The following MCUB variants were observed in gnomAD, a reference collection of about 807,000 sequenced individuals.
MCUB encodes the protein calcium uniporter regulatory subunit MCUb, mitochondrial.
In MCUB, 46 loss-of-function variants were observed where a neutral mutation model predicts 41.4. That is an observed-to-expected ratio of 1.11 (90% CI 0.88 to 1.42). The LOEUF (loss-of-function observed/expected upper bound fraction) is 1.42, where lower values mean the gene tolerates loss of function less well. Among genes scored for constraint, MCUB ranks in the 40% most tolerant of loss-of-function variants. MCUB has a pLI of 0.00. For synonymous variants in MCUB, 148 were observed against 148.2 expected (o/e 1.00, Z 0.01); for missense variants, 403 against 404.9 (o/e 1.00, Z 0.04).
In MCUB at chr4:109,568,621, G is replaced by A. The variant is rs187549859; in HGVS notation, c.99+8185G>A. The stretch of plus-strand genomic sequence containing the variant: ...CCCCACAGACCCCTCTTCAGTTTTC[G>A]TGAGGTCTCTTCAGATCTCTGAAGG... On this transcript the variant is annotated intron_variant, in intron 1 of 7. Coordinates refer to ENST00000394650, the MANE Select transcript of MCUB (RefSeq NM_017918.5). Among the ~76,000 whole-genome samples the A allele has an allele frequency of 2.5e-3, 379 of 151,976 alleles. 1 individual carries two copies. Among genetic ancestry groups the A allele is most frequent in the African/African-American group, 8.5e-3 (351 of 41,408 alleles).
rs531473670 is a variant in MCUB, at chr4:109,579,795, A to G, written c.99+19359A>G. 5.9e-5 allele frequency among the ~76,000 whole-genome samples: 9 copies of G among 152,338 alleles called. No individual in the cohort carries two copies. In the South Asian group the frequency reaches 1.9e-3, roughly 32 times the overall value. ...ATTTATCCAGAGAATGAGTCAAAAT[A>G]AAAATGATATTTAAAGTCTGACTGA... On this transcript the variant is annotated intron_variant, in intron 1 of 7. Coordinates refer to ENST00000394650, the MANE Select transcript of MCUB (RefSeq NM_017918.5).
At position 109,687,648 on chromosome 4, in the gene MCUB, G is replaced by T; in HGVS notation, c.*56G>T. On this transcript the variant is annotated 3_prime_UTR_variant, in exon 8 of 8. Coordinates refer to ENST00000394650, the MANE Select transcript of MCUB (RefSeq NM_017918.5). ...CATTATGTATTGATTTTGCAACTTA[G>T]GATGTTTTTGAGTCCCATGGTTCAT... The T allele has an allele frequency of 9.0e-7, 1 of 1,105,240 alleles. No individual in the cohort carries two copies. The highest frequency in any genetic ancestry group is 1.3e-5 in the South Asian group (1 of 76,074). The allele number at this position is 1,105,240 out of a possible 1,614,324, so 68.5% of individuals were successfully genotyped here.
At position 109,638,687 on chromosome 4, in the gene MCUB, C is replaced by A. The variant is rs1181587217; in HGVS notation, c.100-20324C>A. 5.9e-5 allele frequency among the ~76,000 whole-genome samples: 9 copies of A among 152,144 alleles called. No homozygotes were observed. In the South Asian group the frequency reaches 8.3e-4, roughly 14 times the overall value. ...TGTGATATTATTTGATAACATTTTA[C>A]CCATAGAAGAACTTCTTTCAAAATT... On this transcript the variant is annotated intron_variant, in intron 1 of 7. Coordinates refer to ENST00000394650, the MANE Select transcript of MCUB (RefSeq NM_017918.5).
chr4:109,591,912 C>T (rs570562723), intron 1 of MCUB, among the ~76,000 whole-genome samples: 1 of 151,850 alleles, frequency 6.6e-6, no homozygotes, highest in African/African-American at 2.4e-5. Flanking sequence ...GTTGGCCAGG[C>T]TGGTCTTGAA....
intron 4 of MCUB, among the ~76,000 whole-genome samples, chr4:109,669,081 A>G (rs1228576472): frequency 2.0e-5 from 3 of 152,126 alleles, no homozygotes; most frequent in Non-Finnish European, 4.4e-5. Context: ...GAATAATAAA[A>G]ATAAAGGTTT....
At chr4:109,566,481 AATAAAT>A (rs1350286476) in intron 1 of MCUB, among the ~76,000 whole-genome samples, 5 of 149,220 alleles carry the variant, frequency 3.4e-5, no homozygotes, top group African/African-American at 1.3e-4. Flanking sequence ...AAAAAAAAAA[AATAAAT>A]AAATAAATAA....
intron 1 of MCUB, 69 bp downstream of exon 1, chr4:109,560,505 G>T (rs1726596161): frequency 4.0e-6 from 3 of 757,282 alleles, no homozygotes; most frequent in Non-Finnish European, 3.6e-6. Flanking sequence ...GACAACTTTG[G>T]CGGGAGCAAA....
chr4:109,678,765 C>T (rs1729641793), intron 4 of MCUB, among the ~76,000 whole-genome samples: 2 of 148,026 alleles, frequency 1.4e-5, no homozygotes, highest in African/African-American at 2.5e-5. Flanking sequence ...GGCAGAGGTG[C>T]TCCTCACTTC....
At chr4:109,609,339 A>G (rs141607032) in intron 1 of MCUB, among the ~76,000 whole-genome samples, 1 of 152,312 alleles carries the variant, frequency 6.6e-6, no homozygotes, top group East Asian at 1.9e-4. Context: ...CAAGGGGTAG[A>G]TTATTCATGC....
intron 1 of MCUB, among the ~76,000 whole-genome samples, chr4:109,598,133 T>G (rs1277892170): frequency 6.9e-6 from 1 of 145,690 alleles, no homozygotes; most frequent in Admixed American, 6.8e-5. Context: ...GCAGAGGGGC[T>G]CCTCACATCC....
chr4:109,660,331 T>A lies in MCUB; in HGVS notation c.312T>A (p.Asp104Glu). Reference sequence around the variant, plus strand: ...TCCTTCAGGACCTACAAAATGAAGATAAGGGTATCAAAACTGCAGCCATCT... The same window carrying A: ...TCCTTCAGGACCTACAAAATGAAGAAAAGGGTATCAAAACTGCAGCCATCT... ...GSFLQDLQNEDKGIKTAAIFT... is the reference protein window; with the variant it reads ...GSFLQDLQNEEKGIKTAAIFT... The change falls in exon 3 of 8, where the codon GAT becomes GAA. Residue 104 changes from aspartate to glutamate, a missense_variant. Physicochemically the swap from Asp to Glu is conservative, Grantham distance 45. Coordinates refer to ENST00000394650, the MANE Select transcript of MCUB (RefSeq NM_017918.5). The A allele has an allele frequency of 1.2e-6, 2 of 1,608,842 alleles. 1 individual carries two copies. The highest frequency in any genetic ancestry group is 1.7e-6 in the Non-Finnish European group (2 of 1,175,702).
chr4:109,678,845 C>T (rs1464844594), intron 4 of MCUB, among the ~76,000 whole-genome samples: 1 of 128,504 alleles, frequency 7.8e-6, no homozygotes, highest in Non-Finnish European at 1.6e-5. Context: ...GAGGCGCTCT[C>T]ACTTCCTCCC....
rs1275835680 is a variant in MCUB, at chr4:109,659,727, GC to G, written c.176-467del. Among the ~76,000 whole-genome samples the G allele has an allele frequency of 7.9e-5, 12 of 152,316 alleles. No individual in the cohort carries two copies. The East Asian group carries it at 2.3e-3, about 29-fold the overall frequency. ...GCTGGAGTGCAGTGGCACGATCTCG[GC>G]TCACTGCAACTTCTGCTTCCCAGGC... On this transcript the variant is annotated intron_variant, in intron 2 of 7. Transcript: ENST00000394650.
chr4:109,664,491 C>A, intron 4 of MCUB, 97 bp downstream of exon 4: 1 of 591,366 alleles, frequency 1.7e-6, no homozygotes, highest in South Asian at 2.0e-5. Context: ...GTGACGTCGT[C>A]ATAGCTCACT....
chr4:109,568,685 T>G (rs1177276894), intron 1 of MCUB, among the ~76,000 whole-genome samples: 1 of 152,190 alleles, frequency 6.6e-6, no homozygotes, highest in Non-Finnish European at 1.5e-5. Context: ...CCCACAATAC[T>G]TACAGAACTT....
intron 1 of MCUB, among the ~76,000 whole-genome samples, chr4:109,602,818 A>G (rs1727773127): frequency 6.6e-6 from 1 of 152,208 alleles, no homozygotes; most frequent in Non-Finnish European, 1.5e-5. Flanking sequence ...TTTTAACAAT[A>G]TTGATTCTTC....
intron 7 of MCUB, 135 bp from the exon 8 acceptor site, chr4:109,687,380 C>T (rs13151303): frequency 0.67 from 397,249 of 591,848 alleles, 134,976 homozygotes; most frequent in African/African-American, 0.83. Context: ...ATATATATTT[C>T]AGCCATTTGC....
At chr4:109,655,841 C>T (rs779464873) in intron 1 of MCUB, among the ~76,000 whole-genome samples, 3 of 152,036 alleles carry the variant, frequency 2.0e-5, no homozygotes, top group Non-Finnish European at 4.4e-5. Context: ...CTTCAGTTTA[C>T]CTCTGGAGCT....
intron 4 of MCUB, among the ~76,000 whole-genome samples, chr4:109,673,296 C>T (rs1351687962): frequency 6.6e-6 from 1 of 152,188 alleles, no homozygotes; most frequent in African/African-American, 2.4e-5. Context: ...CTCCATATGA[C>T]CTTCCCATCC....
Sources: allele counts gnomAD v4.1 joint callset (sites outside exome capture counted in the v4.1 genomes callset), GRCh38; gene constraint gnomAD v4.1.1; transcripts MANE v1.5; gene names NCBI Gene and HGNC (gene_info 2026-07-23, HGNC 2026-07-21).